The following XYLT1 variants were observed in gnomAD, a reference collection of about 807,000 sequenced individuals.
The protein encoded by XYLT1 is beta-D-xylosyltransferase 1.
A neutral mutation model predicts 91.3 loss-of-function variants in XYLT1; 36 were observed. The ratio of observed to expected loss-of-function variants is 0.39; its 90% CI spans 0.30 to 0.52. XYLT1 has a LOEUF of 0.52. XYLT1 is among the 20% of genes least tolerant of loss of function. The pLI, the probability that XYLT1 is intolerant of heterozygous loss-of-function variation, is 0.68. For synonymous variants in XYLT1, 588 were observed against 532.0 expected, an observed-to-expected ratio of 1.11 and a Z score of -1.45; for missense variants, 1,242 against 1,284.5, an observed-to-expected ratio of 0.97 and a Z score of 0.51.
rs147816130 is a variant in XYLT1 at position 17,342,987 on chromosome 16, T to C, written c.402+15025A>G. On this transcript the variant is annotated intron_variant, in intron 2 of 11. Transcript: ENST00000261381. ...GAAAAATGTTTATAAAAACAAAACATAAATTTTGAAAAAACATGTTTCCAG... is the reference window on the plus strand; with the variant it reads ...GAAAAATGTTTATAAAAACAAAACACAAATTTTGAAAAAACATGTTTCCAG... Among the ~76,000 whole-genome samples the C allele has an allele frequency of 2.4e-3, 370 of 152,144 alleles. 1 individual carries two copies. The highest frequency in any genetic ancestry group is 8.5e-3 in the African/African-American group (352 of 41,516).
chr16:17,248,551 G>A (rs970371047), intron 3 of XYLT1, among the ~76,000 whole-genome samples: 1 of 152,030 alleles, frequency 6.6e-6, no homozygotes, highest in Non-Finnish European at 1.5e-5. Flanking sequence ...GAGCTCCCCT[G>A]TTGGTCTTGT....
chr16:17,404,108 G>C (rs113983842), intron 1 of XYLT1, among the ~76,000 whole-genome samples: 3 of 152,080 alleles, frequency 2.0e-5, no homozygotes, highest in Non-Finnish European at 2.9e-5. Flanking sequence ...GTTGGGGGGG[G>C]GGCTCAGGGA....
At chr16:17,399,215 A>G (rs887030701) in intron 1 of XYLT1, among the ~76,000 whole-genome samples, 1 of 152,148 alleles carries the variant, frequency 6.6e-6, no homozygotes, top group Non-Finnish European at 1.5e-5. Flanking sequence ...AACAGATGAC[A>G]TCCTCAAAGT....
intron 3 of XYLT1, among the ~76,000 whole-genome samples, chr16:17,222,371 C>T (rs992382820): frequency 2.6e-5 from 4 of 152,180 alleles, no homozygotes; most frequent in East Asian, 1.9e-4. Context: ...TACCGCTAAA[C>T]GTCCCACCAT....
intron 3 of XYLT1, 117 bp from the exon 4 acceptor site, chr16:17,200,771 T>C: frequency 8.6e-7 from 1 of 1,161,092 alleles, no homozygotes; most frequent in Non-Finnish European, 1.2e-6. Context: ...AGTCATCAAA[T>C]TGGGCCTTAA....
intron 1 of XYLT1, among the ~76,000 whole-genome samples, chr16:17,435,989 C>A (rs567447931): frequency 6.6e-6 from 1 of 152,156 alleles, no homozygotes. Context: ...ATGCCAAGGG[C>A]GGGGCCAGGT....
chr16:17,430,987 T>C (rs2036383193), intron 1 of XYLT1, among the ~76,000 whole-genome samples: 1 of 152,138 alleles, frequency 6.6e-6, no homozygotes, highest in Non-Finnish European at 1.5e-5. Flanking sequence ...AAAAAGCTAG[T>C]AATTTAAAAT....
intron 5 of XYLT1, among the ~76,000 whole-genome samples, chr16:17,184,327 A>T (rs1271480389): frequency 2.0e-5 from 3 of 151,132 alleles, no homozygotes. Context: ...CTGGAGAGGG[A>T]GGGATTCGGA....
At chr16:17,198,186 T>C in intron 5 of XYLT1, 26 bp downstream of exon 5, 1 of 1,613,446 alleles carries the variant, frequency 6.2e-7, no homozygotes, top group Non-Finnish European at 8.5e-7. Flanking sequence ...CAGACAAGAC[T>C]GGCTTGGGGC....
At chr16:17,398,357 C>T (rs776137754) in intron 1 of XYLT1, among the ~76,000 whole-genome samples, 7 of 152,122 alleles carry the variant, frequency 4.6e-5, no homozygotes, top group African/African-American at 1.2e-4. Flanking sequence ...AAAGTAACAA[C>T]GTAAGACCGA....
intron 3 of XYLT1, among the ~76,000 whole-genome samples, chr16:17,208,401 C>A (rs548322506): frequency 6.6e-6 from 1 of 151,616 alleles, no homozygotes; most frequent in South Asian, 2.1e-4. Context: ...ATGTGAAATG[C>A]CTGGAACCAG....
chr16:17,450,421 T>C (rs2036651745), intron 1 of XYLT1, among the ~76,000 whole-genome samples: 1 of 151,254 alleles, frequency 6.6e-6, no homozygotes, highest in Non-Finnish European at 1.5e-5. Flanking sequence ...TGGGAGGTAC[T>C]GGGAGGAAAG....
Position 17,295,635 on chromosome 16 carries a change from C to G in XYLT1, c.403-36137G>C, listed in dbSNP as rs569155653. 2.6e-5 allele frequency among the ~76,000 whole-genome samples: 4 copies of G among 152,268 alleles called. No homozygotes were observed. In the South Asian group the frequency reaches 8.3e-4, roughly 32 times the overall value. ...CCTCCCAAAGTCCTGGGATTATAGG[C>G]GTGAGCCACCACACCCGACCCAAGA... On this transcript the variant is annotated intron_variant, in intron 2 of 11. Transcript: ENST00000261381.
chr16:17,296,666 A>G (rs1009626166), intron 2 of XYLT1, among the ~76,000 whole-genome samples: 2 of 152,190 alleles, frequency 1.3e-5, no homozygotes, highest in African/African-American at 4.8e-5. Flanking sequence ...GACAAATCCG[A>G]TTTCTCCAGG....
rs1352973923 is a variant in XYLT1 at position 17,231,859 on chromosome 16, A to G, written c.913+27129T>C. On this transcript the variant is annotated intron_variant, in intron 3 of 11. Coordinates refer to ENST00000261381, the MANE Select transcript of XYLT1 (RefSeq NM_022166.4). ...TGGTAGTTGCTCTGGGTGAGTCAGT[A>G]AGTCGTGGGTGAATATGAAGGTGTA... is the stretch of plus-strand genomic sequence containing the variant. Among the ~76,000 whole-genome samples, 6 of 152,194 alleles carry G rather than the reference A, an allele frequency of 3.9e-5. No individual in the cohort carries two copies. In the East Asian group the frequency reaches 1.2e-3, roughly 29 times the overall value.
At chr16:17,259,631 T>C in intron 2 of XYLT1, 133 bp from the exon 3 acceptor site, 1 of 1,090,248 alleles carries the variant, frequency 9.2e-7, no homozygotes, top group South Asian at 1.6e-5. Context: ...TTGCTACTGG[T>C]TTAACCTCTG....
rs1197193222 is a variant in XYLT1 at position 17,441,517 on chromosome 16, C to G, written c.363+28917G>C. Among the ~76,000 whole-genome samples the G allele has an allele frequency of 2.0e-5, 3 of 152,170 alleles. No individual in the cohort carries two copies. The East Asian group carries it at 5.8e-4, about 29-fold the overall frequency. ...CCACTGCCTCTGCTCTTCTGTCCAC[C>G]AAAGTCCTCACCATTCCCTATCGCC... On this transcript the variant is annotated intron_variant, in intron 1 of 11. Coordinates refer to ENST00000261381, the MANE Select transcript of XYLT1 (RefSeq NM_022166.4).
intron 3 of XYLT1, among the ~76,000 whole-genome samples, chr16:17,257,587 C>T (rs1290217464): frequency 6.6e-6 from 1 of 152,088 alleles, no homozygotes; most frequent in African/African-American, 2.4e-5. Context: ...GGGAAGGGGG[C>T]GTGCCCTAAA....
chr16:17,334,743 C>T (rs573584014), intron 2 of XYLT1, among the ~76,000 whole-genome samples: 3 of 152,218 alleles, frequency 2.0e-5, no homozygotes, highest in East Asian at 3.9e-4. Flanking sequence ...ATTAGCCAGG[C>T]GTGGTGGCAG....
Sources: allele counts gnomAD v4.1 joint callset (sites outside exome capture counted in the v4.1 genomes callset), GRCh38; gene constraint gnomAD v4.1.1; transcripts MANE v1.5; gene names NCBI Gene and HGNC (gene_info 2026-07-23, HGNC 2026-07-21).